DPH6: variants seen among roughly 807,000 people sequenced by gnomAD.
DPH6 encodes diphthine--ammonia ligase.
A neutral mutation model predicts 38.2 loss-of-function variants in DPH6; 33 were observed. The observed-to-expected ratio is 0.86, with a 90% CI of 0.65 to 1.15. The LOEUF is 1.15. Among genes scored for constraint, DPH6 ranks in the 50% most tolerant of loss-of-function variants. The probability of loss-of-function intolerance (pLI) is 0.00; values close to 1 mark genes in which losing one functional copy is unlikely to be tolerated. For missense variants in DPH6, 325 were observed against 320.0 expected, an observed-to-expected ratio of 1.02 and a Z score of -0.12; for synonymous variants, 108 against 103.0, an observed-to-expected ratio of 1.05 and a Z score of -0.30.
chr15:35,360,008 G>C (rs1362890985), intron 3 of DPH6, among the ~76,000 whole-genome samples: 2 of 152,066 alleles, frequency 1.3e-5, no homozygotes, highest in African/African-American at 4.8e-5. Context: ...AGCAGTTCAT[G>C]CATTTCCATT....
intron 3 of DPH6, among the ~76,000 whole-genome samples, chr15:35,533,833 C>CA (rs1229664200): frequency 6.6e-6 from 1 of 151,896 alleles, no homozygotes; most frequent in East Asian, 1.9e-4. Context: ...TCAGTCAGCA[C>CA]AGACAGCCAT....
chr15:35,156,684 T>C, the DPH6 span, among the ~76,000 whole-genome samples: 3 of 152,208 alleles, frequency 2.0e-5, no homozygotes, highest in African/African-American at 7.2e-5. Context: ...ACAGATTATC[T>C]GTCTTGATCT....
chr15:35,521,549 G>A, intron 3 of DPH6: 3 of 1,224,506 alleles, frequency 2.4e-6, no homozygotes, highest in Non-Finnish European at 1.0e-6. Flanking sequence ...AGAAATCTAA[G>A]AGAAAGTGTC....
chr15:35,488,912 C>T (rs962947147), intron 3 of DPH6, among the ~76,000 whole-genome samples: 1 of 151,954 alleles, frequency 6.6e-6, no homozygotes, highest in African/African-American at 2.4e-5. Flanking sequence ...AGTTTGTGCA[C>T]AGCAAACCAT....
intron 5 of DPH6, among the ~76,000 whole-genome samples, chr15:35,414,543 A>G (rs1324196752): frequency 1.3e-5 from 2 of 151,786 alleles, no homozygotes; most frequent in Non-Finnish European, 2.9e-5. Flanking sequence ...CTTTCTTCAA[A>G]TCTAGAGCAT....
intron 3 of DPH6, among the ~76,000 whole-genome samples, chr15:35,308,948 C>T (rs746266278): frequency 5.3e-5 from 8 of 152,216 alleles, no homozygotes; most frequent in Non-Finnish European, 1.2e-4. Context: ...AGTTTACATA[C>T]ATTCTCAAAT....
At chr15:35,317,716 T>C (rs962216916) in intron 3 of DPH6, among the ~76,000 whole-genome samples, 1 of 152,222 alleles carries the variant, frequency 6.6e-6, no homozygotes, top group East Asian at 1.9e-4. Context: ...AAAACAGTAA[T>C]TATTATGTCT....
chr15:35,519,311 A>C (rs1887376381), intron 3 of DPH6: 1 of 152,020 alleles, frequency 6.6e-6, no homozygotes, highest in East Asian at 1.9e-4. Context: ...AATAAATAGA[A>C]GTCAAATTTT....
intron 3 of DPH6, among the ~76,000 whole-genome samples, chr15:35,244,755 G>A (rs1165857980): frequency 6.6e-6 from 1 of 152,222 alleles, no homozygotes; most frequent in Non-Finnish European, 1.5e-5. Context: ...AAGCTAGAGA[G>A]AGCTGTGCTG....
chr15:35,252,450 T>G (rs1237628549), intron 3 of DPH6, among the ~76,000 whole-genome samples: 1 of 152,236 alleles, frequency 6.6e-6, no homozygotes, highest in African/African-American at 2.4e-5. Flanking sequence ...TCAGAGTCAT[T>G]AAACAAGCAT....
At chr15:35,333,700 G>A (rs753376850) in intron 3 of DPH6, among the ~76,000 whole-genome samples, 16 of 152,118 alleles carry the variant, frequency 1.1e-4, no homozygotes, top group Non-Finnish European at 1.3e-4. Flanking sequence ...GTCAACCATT[G>A]TGGAAGACAG....
intron 3 of DPH6, among the ~76,000 whole-genome samples, chr15:35,254,649 A>G (rs1480281589): frequency 6.6e-6 from 1 of 152,174 alleles, no homozygotes; most frequent in East Asian, 1.9e-4. Flanking sequence ...AATATGAGGT[A>G]AAAAAGGTAG....
At chr15:35,390,153 G>C (rs1030913503) in intron 6 of DPH6, among the ~76,000 whole-genome samples, 1 of 152,132 alleles carries the variant, frequency 6.6e-6, no homozygotes, top group Non-Finnish European at 1.5e-5. Flanking sequence ...TTTTCTTTAA[G>C]AATGTTGAAT....
At chr15:35,228,147 T>C (rs749255758) in intron 3 of DPH6, among the ~76,000 whole-genome samples, 1 of 152,342 alleles carries the variant, frequency 6.6e-6, no homozygotes, top group East Asian at 1.9e-4. Context: ...ATTTGGTCTA[T>C]AGTGTAGACC....
At chr15:35,335,480 C>G (rs781419669) in intron 3 of DPH6, among the ~76,000 whole-genome samples, 1 of 152,028 alleles carries the variant, frequency 6.6e-6, no homozygotes. Context: ...ATGCCTATGT[C>G]CTGAATGATA....
At chr15:35,490,944 T>C (rs1047747890) in intron 3 of DPH6, among the ~76,000 whole-genome samples, 1 of 152,134 alleles carries the variant, frequency 6.6e-6, no homozygotes, top group African/African-American at 2.4e-5. Flanking sequence ...GAAGACACCA[T>C]GTGGCAAGGA....
chr15:35,386,196 C>T (rs941740492), intron 6 of DPH6, among the ~76,000 whole-genome samples: 1 of 152,194 alleles, frequency 6.6e-6, no homozygotes, highest in African/African-American at 2.4e-5. Flanking sequence ...TTTATGGCTG[C>T]ATAGTATTCC....
At chr15:35,375,291 CCA>C (rs1295882248) in intron 7 of DPH6, among the ~76,000 whole-genome samples, 1 of 152,040 alleles carries the variant, frequency 6.6e-6, no homozygotes, top group African/African-American at 2.4e-5. Context: ...GAAGAAGACT[CCA>C]GTTTTTATAA....
At chr15:35,333,428 A>G (rs994115537) in intron 3 of DPH6, among the ~76,000 whole-genome samples, 12 of 152,198 alleles carry the variant, frequency 7.9e-5, no homozygotes, top group Admixed American at 2.0e-4. Flanking sequence ...AAAAGCATCA[A>G]TTAAAATACT....
Sources: gnomAD v4.1 joint callset for allele counts (sites outside exome capture counted in the v4.1 genomes callset) on GRCh38, gnomAD v4.1.1 for gene constraint, MANE v1.5 for transcripts, NCBI Gene and HGNC (gene_info 2026-07-23, HGNC 2026-07-21) for gene names.